Variants in TMEM132D observed in about 807,000 individuals in gnomAD.
TMEM132D encodes mature OL transmembrane protein.
In TMEM132D, 21 loss-of-function variants were observed where a neutral mutation model predicts 62.3. That is an observed-to-expected ratio of 0.34 (90% CI 0.24 to 0.49). The LOEUF (loss-of-function observed/expected upper bound fraction) is 0.49. Ranked by LOEUF, TMEM132D falls within the 20% of genes least tolerant of loss-of-function variation. TMEM132D has a pLI of 0.99. For missense variants in TMEM132D, 1,346 were observed against 1,402.8 expected, an observed-to-expected ratio of 0.96 and a Z score of 0.65; for synonymous variants, 621 against 575.6, an observed-to-expected ratio of 1.08 and a Z score of -1.13.
chr12:129,451,674 C>T (rs185191560), intron 3 of TMEM132D, among the ~76,000 whole-genome samples: 46 of 152,252 alleles, frequency 3.0e-4, no homozygotes, highest in Middle Eastern at 3.4e-3. Flanking sequence ...CCCAAATTGA[C>T]GTTATTCTCA....
intron 3 of TMEM132D, among the ~76,000 whole-genome samples, chr12:129,425,060 G>A (rs1872454280): frequency 6.6e-6 from 1 of 152,176 alleles, no homozygotes; most frequent in Non-Finnish European, 1.5e-5. Context: ...AGGGTAATGA[G>A]TTTGAGGTCA....
chr12:129,659,812 G>T (rs1163835673), intron 2 of TMEM132D, among the ~76,000 whole-genome samples: 3 of 152,130 alleles, frequency 2.0e-5, no homozygotes, highest in African/African-American at 7.2e-5. Flanking sequence ...TTATTTAATG[G>T]TATTCTCTAA....
intron 3 of TMEM132D, among the ~76,000 whole-genome samples, chr12:129,383,095 G>A (rs1240265271): frequency 1.3e-5 from 2 of 152,196 alleles, no homozygotes; most frequent in African/African-American, 4.8e-5. Flanking sequence ...TTACAGAGCT[G>A]TGGAGTCCAG....
chr12:129,706,047 A>C (rs1338704330), intron 1 of TMEM132D, among the ~76,000 whole-genome samples: 1 of 152,096 alleles, frequency 6.6e-6, no homozygotes, highest in Non-Finnish European at 1.5e-5. Context: ...CTGAGGAGAG[A>C]GGACAGAAAC....
chr12:129,638,793 C>T (rs1593100418), intron 2 of TMEM132D, among the ~76,000 whole-genome samples: 2 of 152,016 alleles, frequency 1.3e-5, no homozygotes, highest in East Asian at 3.9e-4. Context: ...CCACTCAGGT[C>T]CAATGCTGTA....
At chr12:129,635,279 C>T (rs1358980024) in intron 2 of TMEM132D, among the ~76,000 whole-genome samples, 1 of 152,188 alleles carries the variant, frequency 6.6e-6, no homozygotes, top group Non-Finnish European at 1.5e-5. Context: ...TTCTTTCTCT[C>T]TCTTTTTTGA....
At chr12:129,154,780 G>C (rs184643376) in intron 5 of TMEM132D, among the ~76,000 whole-genome samples, 192 of 152,048 alleles carry the variant, frequency 1.3e-3, no homozygotes, top group Admixed American at 2.4e-3. Context: ...ATGGCAGCTA[G>C]AGTCTGTTGG....
intron 3 of TMEM132D, among the ~76,000 whole-genome samples, chr12:129,404,819 C>T (rs1284129348): frequency 6.6e-6 from 1 of 152,078 alleles, no homozygotes; most frequent in African/African-American, 2.4e-5. Context: ...CACCTCCCAC[C>T]AGGCCCCACC....
intron 4 of TMEM132D, among the ~76,000 whole-genome samples, chr12:129,337,432 T>TACACACAC (rs889062618): frequency 9.1e-6 from 1 of 109,650 alleles, no homozygotes; most frequent in African/African-American, 3.6e-5. Context: ...TAGATATAGA[T>TACACACAC]ACACACACGC....
At chr12:129,350,199 A>G (rs961375629) in intron 3 of TMEM132D, among the ~76,000 whole-genome samples, 8 of 152,230 alleles carry the variant, frequency 5.3e-5, no homozygotes, top group African/African-American at 1.9e-4. Context: ...GGACAAGTGC[A>G]AAACACACTC....
chr12:129,582,228 C>T (rs1877884758), intron 2 of TMEM132D, among the ~76,000 whole-genome samples: 1 of 152,208 alleles, frequency 6.6e-6, no homozygotes, highest in African/African-American at 2.4e-5. Context: ...GTCCCTTTTC[C>T]TTCCAGATGT....
intron 2 of TMEM132D, among the ~76,000 whole-genome samples, chr12:129,647,823 G>A (rs770397681): frequency 5.3e-5 from 8 of 151,966 alleles, no homozygotes; most frequent in South Asian, 2.1e-4. Context: ...AATTTTTGTC[G>A]TTTTGAAACC....
intron 1 of TMEM132D, among the ~76,000 whole-genome samples, chr12:129,868,367 T>C: frequency 6.6e-6 from 1 of 152,240 alleles, no homozygotes; most frequent in South Asian, 2.1e-4. Context: ...TATGATATGC[T>C]AATTATACCA....
Position 129,125,499 on chromosome 12 carries a change from A to AT in TMEM132D, c.1444-40798_1444-40797insA, listed in dbSNP as rs1565972138. 7.5e-3 allele frequency among the ~76,000 whole-genome samples: 960 copies of AT among 127,780 alleles called. 54 individuals carry two copies. The highest frequency in any genetic ancestry group is 0.014 in the African/African-American group (454 of 33,268). The allele number at this position is 127,780 out of a possible 152,430, so 83.8% of individuals were successfully genotyped here. ...GATGTGACGATGTCGAATTACTATG[A>AT]GTTTTTTTTTTTTTTTTTTTTTTGA... On this transcript the variant is annotated intron_variant, in intron 5 of 8. Coordinates refer to ENST00000422113, the MANE Select transcript of TMEM132D (RefSeq NM_133448.3).
At chr12:129,808,001 T>A (rs1872050137) in intron 1 of TMEM132D, among the ~76,000 whole-genome samples, 1 of 152,202 alleles carries the variant, frequency 6.6e-6, no homozygotes, top group Non-Finnish European at 1.5e-5. Flanking sequence ...TGTAATTATT[T>A]TTGCTAGCAA....
At chr12:129,206,103 A>G (rs1443982765) in intron 5 of TMEM132D, among the ~76,000 whole-genome samples, 5 of 152,176 alleles carry the variant, frequency 3.3e-5, no homozygotes, top group East Asian at 1.9e-4. Context: ...ATTGACAAAC[A>G]GGATCTAATT....
At chr12:129,296,753 A>G (rs759164969) in intron 4 of TMEM132D, among the ~76,000 whole-genome samples, 1 of 152,172 alleles carries the variant, frequency 6.6e-6, no homozygotes, top group Non-Finnish European at 1.5e-5. Context: ...GTTATGTGCT[A>G]TTAATGTCTG....
chr12:129,262,406 G>C (rs1880573927), intron 4 of TMEM132D: 1 of 152,122 alleles, frequency 6.6e-6, no homozygotes, highest in Admixed American at 6.6e-5. Flanking sequence ...CACTTTTAAG[G>C]AATAGGCAGA....
In TMEM132D at chr12:129,154,538, G is replaced by A. The variant is rs530703237; in HGVS notation, c.1443+54982C>T. On this transcript the variant is annotated intron_variant, in intron 5 of 8. Coordinates refer to ENST00000422113, the MANE Select transcript of TMEM132D (RefSeq NM_133448.3). ...TGAGGTCATTTAATGAGTGTTTGGC[G>A]ATTGAGTACAAATCATAAATTTGTA... Among the ~76,000 whole-genome samples the A allele has an allele frequency of 3.9e-5, 6 of 152,226 alleles. No individual in the cohort carries two copies. In the South Asian group the frequency reaches 6.2e-4, roughly 16 times the overall value.
Sources: gnomAD v4.1 joint callset for allele counts (sites outside exome capture counted in the v4.1 genomes callset) on GRCh38, gnomAD v4.1.1 for gene constraint, MANE v1.5 for transcripts, NCBI Gene and HGNC (gene_info 2026-07-23, HGNC 2026-07-21) for gene names.